The following IL17RC variants were observed in gnomAD, a reference collection of about 807,000 sequenced individuals.
The protein encoded by IL17RC is interleukin 17 receptor C.
Under a neutral mutation model 86.7 loss-of-function variants are expected in IL17RC, and 53 were observed. That is an observed-to-expected ratio of 0.61 (90% CI 0.49 to 0.77). The LOEUF is 0.77. IL17RC is among the 30% of genes least tolerant of loss of function. The pLI is 0.00. For synonymous variants in IL17RC, 439 were observed against 413.1 expected, an observed-to-expected ratio of 1.06 and a Z score of -0.76; for missense variants, 957 against 940.0, an observed-to-expected ratio of 1.02 and a Z score of -0.24.
Position 9,930,694 on chromosome 3 carries a change from T to C in IL17RC, c.1339-201T>C, listed in dbSNP as rs1302062050. 30 of 675,556 alleles carry C rather than the reference T, an allele frequency of 4.4e-5. 1 individual carries two copies. The highest frequency in any genetic ancestry group is 1.8e-5 in the Non-Finnish European group (7 of 386,146). 41.8% of individuals were successfully genotyped at this position (675,556 alleles called of 1,614,324 possible). Reference sequence around the variant, plus strand: ...CCAGGGAGAGCTTCCGGGAAGAATTTCTTCCTATAAGCCAGATTTGGTATG... The same window carrying C: ...CCAGGGAGAGCTTCCGGGAAGAATTCCTTCCTATAAGCCAGATTTGGTATG... On this transcript the variant is annotated intron_variant, in intron 15 of 18. Transcript: ENST00000403601. The surrounding 1 kb of genome is among the most constrained non-coding windows in gnomAD (Gnocchi z 5.8).
chr3:9,933,107 C>G lies in IL17RC; in HGVS notation c.1677C>G (p.Pro559=). 1.9e-6 allele frequency: 3 copies of G among 1,578,128 alleles called. No individual in the cohort carries two copies. The highest frequency in any genetic ancestry group is 2.6e-6 in the Non-Finnish European group (3 of 1,167,750). ...GTCGTGAACTGAGCGCGCAGGGGCC[C>G]GTGGCTTGGTTTCACGCGCAGCGGC... ...WSRRELSAQG[P]VAWFHAQRRQ... is the part of the protein sequence containing the mutation. The change falls in exon 19 of 19, where the codon CCC becomes CCG. Residue 559 remains proline (P), a synonymous_variant. Transcript: ENST00000403601.
intron 3 of IL17RC, 77 bp from the exon 4 acceptor site, chr3:9,918,258 A>C: frequency 1.4e-6 from 2 of 1,416,196 alleles, no homozygotes; most frequent in Non-Finnish European, 9.7e-7. Flanking sequence ...TGGGCTTTCC[A>C]GAAGGAAGCC....
In IL17RC at chr3:9,923,994, C is replaced by CA. The variant is rs1222398819; in HGVS notation, c.736_737insA (p.Pro246HisfsTer36). 2 of 1,614,062 alleles carry CA rather than the reference C, an allele frequency of 1.2e-6. No individual in the cohort carries two copies. Among genetic ancestry groups the CA allele is most frequent in the East Asian group, 4.5e-5 (2 of 44,886 alleles). ...GTACTGGAATCAGGTCCAGGGCCCCCCAAAACCCCGGTGGCACAAAAACCT... is the reference window on the plus strand; with the variant it reads ...GTACTGGAATCAGGTCCAGGGCCCCCACAAAACCCCGGTGGCACAAAAACCT... On this transcript the variant is annotated frameshift_variant, in exon 8 of 19. Coordinates refer to ENST00000403601, the MANE Select transcript of IL17RC (RefSeq NM_153460.4). LOFTEE classifies it high-confidence loss of function.
At chr3:9,927,738 C>T (rs373146452) in intron 9 of IL17RC, among the ~76,000 whole-genome samples, 66 of 151,746 alleles carry the variant, frequency 4.3e-4, no homozygotes, top group East Asian at 1.4e-3. Context: ...GTCAGGAGTT[C>T]GAGACCAGCC....
Position 9,930,541 on chromosome 3 carries a change from G to T in IL17RC, c.1338+82G>T. On this transcript the variant is annotated intron_variant, in intron 15 of 18. Transcript: ENST00000403601. The surrounding 1 kb of genome is among the most constrained non-coding windows in gnomAD (Gnocchi z 5.8). Reference sequence around the variant, plus strand: ...TAGCACTCACCTACTGTCTATTTAGGCTTATTTTATGTTCAGCCCTGGGAA... The same window carrying T: ...TAGCACTCACCTACTGTCTATTTAGTCTTATTTTATGTTCAGCCCTGGGAA... 1 of 1,372,618 alleles carries T rather than the reference G, an allele frequency of 7.3e-7. No homozygotes were observed. The highest frequency in any genetic ancestry group is 1.0e-6 in the Non-Finnish European group (1 of 977,656). 85.0% of individuals were successfully genotyped at this position (1,372,618 alleles called of 1,614,324 possible).
chr3:9,924,394 G>A (rs2083871331), intron 9 of IL17RC, 103 bp downstream of exon 9: 1 of 1,231,858 alleles, frequency 8.1e-7, no homozygotes, highest in East Asian at 2.4e-5. Context: ...CCTTCATTGA[G>A]GTGGAGACTG....
chr3:9,928,175 C>T lies in IL17RC; in HGVS notation c.832C>T (p.Leu278=), dbSNP rs138204617. 1 of 1,614,038 alleles carries T rather than the reference C, an allele frequency of 6.2e-7. No individual in the cohort carries two copies. The highest frequency in any genetic ancestry group is 1.3e-5 in the African/African-American group (1 of 74,922). ...VPCLCIQVWP[L]EPDSVRTNIC... ...CCCATTTCCTTTCCAGGTGTGGCCT[C>T]TGGAACCTGACTCCGTTAGGACGAA... The change falls in exon 10 of 19, where the codon CTG becomes TTG. Residue 278 remains leucine, a synonymous_variant. Transcript: ENST00000403601.
rs1260316997 is a variant in IL17RC at position 9,928,180 on chromosome 3, A to G, written c.837A>G (p.Glu279=). The stretch of plus-strand genomic sequence containing the variant: ...TTCCTTTCCAGGTGTGGCCTCTGGA[A>G]CCTGACTCCGTTAGGACGAACATCT... The part of the protein sequence containing the change: ...PCLCIQVWPL[E]PDSVRTNICP... The change falls in exon 10 of 19, where the codon GAA becomes GAG. Residue 279 remains glutamate (E), a synonymous_variant. Coordinates refer to ENST00000403601, the MANE Select transcript of IL17RC (RefSeq NM_153460.4). 4 of 1,613,912 alleles carry G rather than the reference A, an allele frequency of 2.5e-6. No homozygotes were observed. Among genetic ancestry groups the G allele is most frequent in the Admixed American group, 1.7e-5 (1 of 59,996 alleles).
intron 16 of IL17RC, 22 bp from the exon 17 acceptor site, chr3:9,932,586 T>C (rs373119619): frequency 5.5e-5 from 88 of 1,607,900 alleles, no homozygotes; most frequent in Non-Finnish European, 7.4e-5. Context: ...AGTTTCTAAC[T>C]CTTCTTCTCT....
At chr3:9,924,089 T>C in intron 8 of IL17RC, 69 bp downstream of exon 8, 1 of 1,610,878 alleles carries the variant, frequency 6.2e-7, no homozygotes, top group Non-Finnish European at 8.5e-7. Context: ...CGCAGTGCCA[T>C]ATCAGAGAGG....
chr3:9,918,565 G>C lies in IL17RC; in HGVS notation c.421G>C (p.Glu141Gln). ...AYPTARCVLL[E>Q]VQVPAALVQF... is the part of the protein sequence containing the mutation. ...CCCTACTGCCCGCTGCGTCCTGCTG[G>C]AGGTGCAAGTGCCTGCTGCCCTTGT... The change falls in exon 5 of 19, where the codon GAG (glutamate) becomes CAG (glutamine). Residue 141 changes from glutamate (E) to glutamine (Q), a missense_variant. Transcript: ENST00000403601. 6.2e-7 allele frequency: 1 copy of C among 1,614,176 alleles called. No individual in the cohort carries two copies. Among genetic ancestry groups the C allele is most frequent in the Non-Finnish European group, 8.5e-7 (1 of 1,180,034 alleles).
chr3:9,931,470 C>CACATATATATATATATATATAT (rs750351615), intron 16 of IL17RC, among the ~76,000 whole-genome samples: 6 of 43,734 alleles, frequency 1.4e-4, no homozygotes, highest in Non-Finnish European at 3.2e-4. Flanking sequence ...CACACACACA[C>CACATATATATATATATATATAT]ATATATATAT....
chr3:9,929,711 C>A, intron 12 of IL17RC, 141 bp from the exon 13 acceptor site: 2 of 840,600 alleles, frequency 2.4e-6, no homozygotes, highest in South Asian at 1.4e-5. Flanking sequence ...AATCACCCAG[C>A]CTTGAATCCA....
rs2084524728 is a variant in IL17RC, at chr3:9,930,205, C to T, written c.1278+56C>T. Reference sequence around the variant, plus strand: ...CTCTCCAAATGCATCTCACATCTGGCCTCAAATTTTCACTCCATCCACCCT... The same window carrying T: ...CTCTCCAAATGCATCTCACATCTGGTCTCAAATTTTCACTCCATCCACCCT... On this transcript the variant is annotated intron_variant, in intron 14 of 18. Transcript: ENST00000403601. This position sits in a 1 kb window ranked among gnomAD's most constrained non-coding sequence, Gnocchi z 5.8. 6.2e-7 allele frequency: 1 copy of T among 1,603,224 alleles called. No individual in the cohort carries two copies. Among genetic ancestry groups the T allele is most frequent in the African/African-American group, 1.3e-5 (1 of 74,752 alleles).
intron 9 of IL17RC, among the ~76,000 whole-genome samples, chr3:9,926,635 C>G (rs1019942448): frequency 2.1e-5 from 3 of 146,242 alleles, no homozygotes; most frequent in African/African-American, 7.6e-5. Flanking sequence ...GTTTTTTTGT[C>G]TTTTTTGAGA....
rs767685973 is a variant in IL17RC, at chr3:9,932,678, C to T, written c.1458C>T (p.Leu486=). 8 of 1,614,190 alleles carry T rather than the reference C, an allele frequency of 5.0e-6. No homozygotes were observed. Among genetic ancestry groups the T allele is most frequent in the East Asian group, 2.2e-5 (1 of 44,876 alleles). ...TTGCCGCTGCGCTTTCCCTCATCCT[C>T]CTTCTCAAAAAGGATCACGCGAAAG... ...LLFAAALSLI[L]LLKKDHAKGW... is the part of the protein sequence containing the mutation. Residue 486 remains leucine (L), a synonymous_variant, in exon 17 of 19, where the codon CTC becomes CTT. Coordinates refer to ENST00000403601, the MANE Select transcript of IL17RC (RefSeq NM_153460.4).
In IL17RC at chr3:9,918,556, G is replaced by A. The variant is rs1204522510; in HGVS notation, c.412G>A (p.Val138Ile). The change falls in exon 5 of 19, where the codon GTC (valine) becomes ATC (isoleucine). Residue 138 changes from valine (V) to isoleucine (I), a missense_variant. Physicochemically the swap from Val to Ile is conservative, Grantham distance 29. Coordinates refer to ENST00000403601, the MANE Select transcript of IL17RC (RefSeq NM_153460.4). ...CCAGGCCTACCCTACTGCCCGCTGC[G>A]TCCTGCTGGAGGTGCAAGTGCCTGC... ...SFQAYPTARC[V>I]LLEVQVPAAL... 5.6e-6 allele frequency: 9 copies of A among 1,614,046 alleles called. No homozygotes were observed. In the East Asian group the frequency reaches 1.1e-4, roughly 20 times the overall value.
chr3:9,931,100 T>C (rs1463128389), intron 16 of IL17RC, among the ~76,000 whole-genome samples, 157 bp downstream of exon 16: 1 of 152,082 alleles, frequency 6.6e-6, no homozygotes, highest in Non-Finnish European at 1.5e-5. Flanking sequence ...GATGAGAGCT[T>C]GCAGGGATCG....
At position 9,930,437 on chromosome 3, in the gene IL17RC, T is replaced by A. The variant is rs1463939100; in HGVS notation, c.1316T>A (p.Leu439Gln). ...CTTGGAGAGTACTTACTACAAGACC[T>A]GCAGTCAGGCCAGTGTCTGCAGGTG... ...ARLGEYLLQD[L>Q]QSGQCLQLWD... The change falls in exon 15 of 19, where the codon CTG becomes CAG. Residue 439 changes from leucine to glutamine, a missense_variant. Leu to Gln is a moderately radical substitution (Grantham distance 113). Transcript: ENST00000403601. This position sits in a 1 kb window ranked among gnomAD's most constrained non-coding sequence, Gnocchi z 5.8. 1 of 1,614,066 alleles carries A rather than the reference T, an allele frequency of 6.2e-7. No individual in the cohort carries two copies. Among genetic ancestry groups the A allele is most frequent in the South Asian group, 1.1e-5 (1 of 91,086 alleles).
Sources: gnomAD v4.1 joint callset for allele counts (sites outside exome capture counted in the v4.1 genomes callset) on GRCh38, gnomAD v4.1.1 for gene constraint, Gnocchi (gnomAD v3.1) non-coding constraint, MANE v1.5 for transcripts, NCBI Gene and HGNC (gene_info 2026-07-23, HGNC 2026-07-21) for gene names.